Variants in EDA observed in about 807,000 individuals in gnomAD.
EDA encodes ectodysplasin-A.
Under a neutral mutation model 23.6 loss-of-function variants are expected in EDA, and 2 were observed. The ratio of observed to expected loss-of-function variants is 0.08; its 90% CI spans 0.03 to 0.27. The LOEUF (loss-of-function observed/expected upper bound fraction) is 0.27. EDA is among the 10% of genes least tolerant of loss of function. The probability of loss-of-function intolerance (pLI) is 1.00; values close to 1 mark genes in which losing one functional copy is unlikely to be tolerated. For synonymous variants in EDA, 131 were observed against 132.0 expected, an observed-to-expected ratio of 0.99 and a Z score of 0.05; for missense variants, 229 against 324.2, an observed-to-expected ratio of 0.71 and a Z score of 2.26.
chrX:69,803,398 C>G (rs2804351), intron 1 of EDA, among the ~76,000 whole-genome samples: 8,490 of 109,539 alleles, frequency 0.078, 291 homozygotes, highest in Middle Eastern at 0.19. Context: ...AAAACTTAGG[C>G]CCTCTGATTA....
chrX:69,818,425 T>C (rs1417365165), intron 1 of EDA, among the ~76,000 whole-genome samples: 1 of 111,057 alleles, frequency 9.0e-6, no homozygotes, highest in East Asian at 2.8e-4. Flanking sequence ...GCTCAACAAA[T>C]CCAGGAGCTG....
Position 70,031,197 on chromosome X carries a change from A to C in EDA, c.793+677A>C, listed in dbSNP as rs767112985. On this transcript the variant is annotated intron_variant, in intron 6 of 7. Coordinates refer to ENST00000374552, the MANE Select transcript of EDA (RefSeq NM_001399.5). Reference sequence around the variant, plus strand: ...ACAACCACCCTATGAGGTAGGTATGAGCTCCTTTTTACAAGACAGAAAGTG... The same window carrying C: ...ACAACCACCCTATGAGGTAGGTATGCGCTCCTTTTTACAAGACAGAAAGTG... Among the ~76,000 whole-genome samples the C allele has an allele frequency of 6.2e-5, 7 of 112,413 alleles. No homozygotes were observed. The South Asian group carries it at 2.6e-3, about 42-fold the overall frequency.
chrX:69,839,280 T>G (rs768293394), intron 1 of EDA, among the ~76,000 whole-genome samples: 2 of 111,998 alleles, frequency 1.8e-5, no homozygotes, highest in Non-Finnish European at 1.9e-5. Flanking sequence ...AAAATGAGTT[T>G]CTTTATCTCC....
chrX:69,749,919 GTTCTTTTTTTTTTTT>G lies in EDA; in HGVS notation c.396+133218_396+133232del, dbSNP rs1457154713. On this transcript the variant is annotated intron_variant, in intron 1 of 7. Transcript: ENST00000374552. ...TTTTTAGAAACTTCCTCTCACTAAG[GTTCTTTTTTTTTTTT>G]TTTTTTTTTTTTTTTGGTTGGGGAG... Among the ~76,000 whole-genome samples the G allele has an allele frequency of 4.1e-4, 20 of 48,607 alleles. No individual in the cohort carries two copies. In the East Asian group the frequency reaches 0.016, roughly 39 times the overall value. 42.2% of individuals were successfully genotyped at this position (48,607 alleles called of 115,157 possible).
intron 1 of EDA, among the ~76,000 whole-genome samples, chrX:69,842,452 A>G (rs769382271): frequency 8.9e-6 from 1 of 111,885 alleles, no homozygotes; most frequent in African/African-American, 3.2e-5. Flanking sequence ...TCCTGAAACC[A>G]TCTCCCCACC....
At chrX:69,626,339 A>G (rs374018919) in intron 1 of EDA, among the ~76,000 whole-genome samples, 1 of 112,232 alleles carries the variant, frequency 8.9e-6, no homozygotes. Context: ...GTATGTTCAC[A>G]CAAAAGCCTC....
chrX:69,671,288 T>A, intron 1 of EDA, among the ~76,000 whole-genome samples: 1 of 111,352 alleles, frequency 9.0e-6, no homozygotes, highest in African/African-American at 3.3e-5. Flanking sequence ...GCTTTAGGGA[T>A]CCTCCTGGTC....
In EDA at chrX:69,791,203, A is replaced by G. The variant is rs565136409; in HGVS notation, c.397-165824A>G. ...AGTTTATGAAGTTAGAAAATAAATT[A>G]TACCTAAGTACTTGATAGAATGTAA... is the stretch of plus-strand genomic sequence containing the variant. On this transcript the variant is annotated intron_variant, in intron 1 of 7. Coordinates refer to ENST00000374552, the MANE Select transcript of EDA (RefSeq NM_001399.5). Among the ~76,000 whole-genome samples, 9 of 111,990 alleles carry G rather than the reference A, an allele frequency of 8.0e-5. No individual in the cohort carries two copies. In the South Asian group the frequency reaches 3.4e-3, roughly 42 times the overall value.
intron 2 of EDA, among the ~76,000 whole-genome samples, chrX:70,012,937 A>T (rs1196611570): frequency 8.9e-6 from 1 of 112,416 alleles, no homozygotes; most frequent in African/African-American, 3.2e-5. Context: ...TTGCTGCTTC[A>T]CAGCTCCCTC....
intron 1 of EDA, among the ~76,000 whole-genome samples, chrX:69,925,863 G>A (rs866312360): frequency 4.8e-5 from 5 of 104,098 alleles, no homozygotes; most frequent in Non-Finnish European, 9.8e-5. Context: ...TCAGGGATTC[G>A]ATTTCTTCCT....
intron 1 of EDA, among the ~76,000 whole-genome samples, chrX:69,692,109 A>G (rs1040814584): frequency 9.0e-6 from 1 of 111,523 alleles, no homozygotes; most frequent in Non-Finnish European, 1.9e-5. Flanking sequence ...TATTTGGCCT[A>G]GATCTTTTCC....
At chrX:69,933,054 C>T (rs771570092) in intron 1 of EDA, among the ~76,000 whole-genome samples, 43 of 110,519 alleles carry the variant, frequency 3.9e-4, no homozygotes, top group African/African-American at 1.4e-3. Flanking sequence ...CATTAGTTCC[C>T]TTTATCTCTC....
intron 1 of EDA, among the ~76,000 whole-genome samples, chrX:69,913,354 T>C (rs953271914): frequency 8.9e-6 from 1 of 112,569 alleles, no homozygotes; most frequent in Non-Finnish European, 1.9e-5. Flanking sequence ...GCAGCATCTA[T>C]GTCAGCACCT....
chrX:69,864,270 C>T (rs1055217856), intron 1 of EDA, among the ~76,000 whole-genome samples: 1 of 111,187 alleles, frequency 9.0e-6, no homozygotes, highest in South Asian at 3.8e-4. Context: ...ATGGATCACA[C>T]CTGAAAATTG....
chrX:69,813,350 A>AC (rs1401884797), intron 1 of EDA, among the ~76,000 whole-genome samples: 1 of 110,773 alleles, frequency 9.0e-6, no homozygotes, highest in East Asian at 2.8e-4. Flanking sequence ...GGAATCCATC[A>AC]CCCCACACCA....
intron 2 of EDA, among the ~76,000 whole-genome samples, chrX:70,018,612 T>A (rs1218533615): frequency 8.9e-6 from 1 of 112,085 alleles, no homozygotes; most frequent in Non-Finnish European, 1.9e-5. Flanking sequence ...TAAATGGTGC[T>A]GGGATAGCTG....
chrX:69,867,528 C>A (rs1411941371), intron 1 of EDA, among the ~76,000 whole-genome samples: 1 of 112,305 alleles, frequency 8.9e-6, no homozygotes, highest in Non-Finnish European at 1.9e-5. Context: ...GCACATCTGG[C>A]CATTTCTCCT....
At chrX:69,899,526 TTG>T (rs35667127) in intron 1 of EDA, among the ~76,000 whole-genome samples, 20 of 108,124 alleles carry the variant, frequency 1.8e-4, no homozygotes, top group African/African-American at 4.3e-4. Context: ...TTATTAACAG[TTG>T]TGTGTGTGTG....
At chrX:69,652,694 T>G (rs1933143457) in intron 1 of EDA, among the ~76,000 whole-genome samples, 1 of 112,051 alleles carries the variant, frequency 8.9e-6, no homozygotes, top group African/African-American at 3.2e-5. Context: ...TGCTTAAACT[T>G]TCCAACTATC....
Sources: allele counts gnomAD v4.1 joint callset (sites outside exome capture counted in the v4.1 genomes callset), GRCh38; gene constraint gnomAD v4.1.1; transcripts MANE v1.5; gene names NCBI Gene and HGNC (gene_info 2026-07-23, HGNC 2026-07-21).